The following SBNO2 variants were observed in gnomAD, a reference collection of about 807,000 sequenced individuals.
SBNO2 encodes the protein protein strawberry notch homolog 2.
SBNO2 carries 89 observed loss-of-function variants against 146.3 expected under a neutral mutation model. The ratio of observed to expected loss-of-function variants is 0.61; its 90% CI spans 0.51 to 0.73. The LOEUF is 0.73. SBNO2 is among the 30% of genes least tolerant of loss of function. SBNO2 has a pLI of 0.00. For missense variants in SBNO2, 2,092 were observed against 2,003.7 expected, an observed-to-expected ratio of 1.04 and a Z score of -0.84; for synonymous variants, 1,147 against 892.6, an observed-to-expected ratio of 1.29 and a Z score of -5.08.
At chr19:1,130,036 C>A (rs1021951824) in intron 4 of SBNO2, among the ~76,000 whole-genome samples, 2 of 152,306 alleles carry the variant, frequency 1.3e-5, no homozygotes, top group East Asian at 1.9e-4. Context: ...CCACACCACC[C>A]GACCAGCCCC....
rs373148649 is a variant in SBNO2, at chr19:1,113,654, G to C, written c.2128C>G (p.Arg710Gly). Reference sequence around the variant, plus strand: ...AGATCCTGCTTCAGCCGCTCCACCCGCTCCAGGACCCCGGGGCCATGCGGG... The same window carrying C: ...AGATCCTGCTTCAGCCGCTCCACCCCCTCCAGGACCCCGGGGCCATGCGGG... The part of the protein sequence containing the change: ...RDPHGPGVLE[R>G]VERLKQDLLD... Residue 710 changes from arginine to glycine, a missense_variant, in exon 19 of 32, where the codon CGG (arginine) becomes GGG (glycine). Transcript: ENST00000361757. The C allele has an allele frequency of 6.3e-7, 1 of 1,596,934 alleles. No homozygotes were observed. The highest frequency in any genetic ancestry group is 1.4e-5 in the African/African-American group (1 of 73,160).
chr19:1,125,773 T>A (rs540156312), intron 5 of SBNO2, among the ~76,000 whole-genome samples: 3 of 151,930 alleles, frequency 2.0e-5, no homozygotes, highest in East Asian at 3.9e-4. Context: ...ACGGGCGAGA[T>A]CTTTTGGGGC....
At chr19:1,128,176 AC>A (rs1332278483) in intron 4 of SBNO2, 1 of 483,512 alleles carries the variant, frequency 2.1e-6, no homozygotes, top group Non-Finnish European at 4.1e-6. Flanking sequence ...GGTGAGAAAC[AC>A]CAACCCTCAG....
intron 1 of SBNO2, among the ~76,000 whole-genome samples, chr19:1,171,205 C>T (rs1293875470): frequency 1.3e-5 from 2 of 151,964 alleles, no homozygotes; most frequent in African/African-American, 4.8e-5. Flanking sequence ...GAGCACACAG[C>T]CACAGGCACG....
chr19:1,111,937 C>T (rs1203092791), intron 23 of SBNO2, 59 bp downstream of exon 23: 6 of 1,449,598 alleles, frequency 4.1e-6, no homozygotes, highest in Non-Finnish European at 5.7e-6. Context: ...CTCTTAGATC[C>T]GGCCCTCCCT....
At chr19:1,128,084 G>C in intron 4 of SBNO2, 12 of 511,914 alleles carry the variant, frequency 2.3e-5, no homozygotes, top group South Asian at 2.1e-4. Flanking sequence ...CAAAAGTGTT[G>C]GGATTACAGG....
At chr19:1,115,839 C>T (rs1360409382) in intron 17 of SBNO2, 182 bp downstream of exon 17, 3 of 636,898 alleles carry the variant, frequency 4.7e-6, no homozygotes, top group Non-Finnish European at 8.5e-6. Flanking sequence ...CTAAGCGTTC[C>T]ATGGCAGGGT....
At position 1,158,322 on chromosome 19, in the gene SBNO2, G is replaced by A. The variant is rs896713809; in HGVS notation, c.-126-3920C>T. Among the ~76,000 whole-genome samples, 5 of 152,132 alleles carry A rather than the reference G, an allele frequency of 3.3e-5. No homozygotes were observed. Among genetic ancestry groups the A allele is most frequent in the South Asian group, 2.1e-4 (1 of 4,826 alleles). ...CCGGTTCTCCTGCCGTCCTCTCGCCGAGCAGGGTTGTGACCCCCGCACTTT... is the reference window on the plus strand; with the variant it reads ...CCGGTTCTCCTGCCGTCCTCTCGCCAAGCAGGGTTGTGACCCCCGCACTTT... On this transcript the variant is annotated intron_variant, in intron 1 of 31. Coordinates refer to ENST00000361757, the MANE Select transcript of SBNO2 (RefSeq NM_014963.3). The surrounding 1 kb of genome is among the most constrained non-coding windows in gnomAD (Gnocchi z 9.9).
chr19:1,119,307 G>A (rs1005300303), intron 13 of SBNO2, 143 bp from the exon 14 acceptor site: 6 of 1,102,622 alleles, frequency 5.4e-6, no homozygotes, highest in Non-Finnish European at 7.7e-6. Flanking sequence ...TGGCAGCTGA[G>A]CCTGGCGGGG....
At chr19:1,143,308 T>G (rs1437048517) in intron 4 of SBNO2, among the ~76,000 whole-genome samples, 1 of 152,084 alleles carries the variant, frequency 6.6e-6, no homozygotes, top group Non-Finnish European at 1.5e-5. Flanking sequence ...TGAGACCTCA[T>G]TTCTACAAAA....
rs56212604 is a variant in SBNO2 at position 1,122,732 on chromosome 19, G to A, written c.840C>T (p.Ala280=). ...QRAGFLIGDG[A]GVGKGRTVAG... is the part of the protein sequence containing the mutation. ...CCACCGTCCGGCCTTTGCCCACGCC[G>A]GCCCCATCGCCGATGAGAAAGCCCG... The change falls in exon 9 of 32, where the codon GCC becomes GCT. Residue 280 remains alanine, a synonymous_variant. Transcript: ENST00000361757. The A allele has an allele frequency of 2.9e-3, 4,426 of 1,537,100 alleles. 15 individuals are homozygous for A. The highest frequency in any genetic ancestry group is 3.0e-3 in the Non-Finnish European group (3,459 of 1,146,480).
Position 1,125,429 on chromosome 19 carries a change from G to C in SBNO2, c.442-1407C>G, listed in dbSNP as rs758093839. 7.3e-5 allele frequency among the ~76,000 whole-genome samples: 11 copies of C among 151,284 alleles called. No homozygotes were observed. The East Asian group carries it at 1.6e-3, about 21-fold the overall frequency. On this transcript the variant is annotated intron_variant, in intron 5 of 31. Transcript: ENST00000361757. Reference sequence around the variant, plus strand: ...CTCACGCCTGTAATCCCAGCACTTCGGGAGGCCAAGATAGGTGGATCACCT... The same window carrying C: ...CTCACGCCTGTAATCCCAGCACTTCCGGAGGCCAAGATAGGTGGATCACCT...
chr19:1,125,734 G>A (rs2079958000), intron 5 of SBNO2, among the ~76,000 whole-genome samples: 1 of 151,880 alleles, frequency 6.6e-6, no homozygotes, highest in South Asian at 2.1e-4. Context: ...CCGGGTGCGT[G>A]GCTCAGGCCT....
chr19:1,118,970 G>A (rs2079865337), intron 14 of SBNO2, 41 bp downstream of exon 14: 2 of 1,546,822 alleles, frequency 1.3e-6, no homozygotes, highest in Non-Finnish European at 1.7e-6. Flanking sequence ...ATTTCACCCG[G>A]GAAACGCACA....
In SBNO2 at chr19:1,143,938, C is replaced by T. The variant is rs761008555; in HGVS notation, c.279+3371G>A. Among the ~76,000 whole-genome samples the T allele has an allele frequency of 3.3e-5, 5 of 152,352 alleles. 1 individual carries two copies. The South Asian group carries it at 1.0e-3, about 32-fold the overall frequency. On this transcript the variant is annotated intron_variant, in intron 4 of 31. Transcript: ENST00000361757. ...CGGCGGCAGGTCCTGGGGATCAGGA[C>T]GGGGACGTCTTGGAGGCTGTAACCG...
chr19:1,119,877 T>G (rs8107205), intron 12 of SBNO2, 29 bp downstream of exon 12: 665,000 of 1,478,104 alleles, frequency 0.45, 152,259 homozygotes, highest in Admixed American at 0.55. Flanking sequence ...CTGCTGCGGG[T>G]GGGTCACGTG....
intron 4 of SBNO2, among the ~76,000 whole-genome samples, chr19:1,131,934 C>A (rs182325042): frequency 1.3e-5 from 2 of 152,342 alleles, no homozygotes; most frequent in East Asian, 1.9e-4. Context: ...AAGAGACGGA[C>A]GGGGCGGGGT....
At chr19:1,124,201 C>A in intron 5 of SBNO2, 179 bp from the exon 6 acceptor site, 1 of 647,228 alleles carries the variant, frequency 1.5e-6, no homozygotes, top group Non-Finnish European at 2.7e-6. Flanking sequence ...TGGTGCCTCC[C>A]AAGCCTCCCC....
At chr19:1,133,356 G>A (rs1305212695) in intron 4 of SBNO2, among the ~76,000 whole-genome samples, 3 of 152,148 alleles carry the variant, frequency 2.0e-5, no homozygotes, top group Admixed American at 2.0e-4. Flanking sequence ...TGGCTGGGCC[G>A]GAGGGCTCGG....
Sources: gnomAD v4.1 joint callset for allele counts (sites outside exome capture counted in the v4.1 genomes callset) on GRCh38, gnomAD v4.1.1 for gene constraint, Gnocchi (gnomAD v3.1) non-coding constraint, MANE v1.5 for transcripts, NCBI Gene and HGNC (gene_info 2026-07-23, HGNC 2026-07-21) for gene names.